UPF1: variants seen among roughly 807,000 people sequenced by gnomAD.
UPF1 encodes regulator of nonsense transcripts 1.
In UPF1, 9 loss-of-function variants were observed where a neutral mutation model predicts 129.2. The observed-to-expected ratio is 0.07, with a 90% CI of 0.04 to 0.12. The LOEUF is 0.12. Among genes scored for constraint, UPF1 ranks in the 10% least tolerant of loss-of-function variants. The pLI is 1.00. For missense variants in UPF1, 788 were observed against 1,525.3 expected (o/e 0.52, Z 8.05); for synonymous variants, 649 against 644.9 (o/e 1.01, Z -0.10).
rs756195102 is a variant in UPF1 at position 18,853,360 on chromosome 19, A to G, written c.1156+10A>G. 8 of 1,594,606 alleles carry G rather than the reference A, an allele frequency of 5.0e-6. No individual in the cohort carries two copies. In the South Asian group the frequency reaches 6.8e-5, roughly 14 times the overall value. On this transcript the variant is annotated intron_variant, in intron 8 of 23. Coordinates refer to ENST00000262803, the MANE Select transcript of UPF1 (RefSeq NM_002911.4). This position sits in a 1 kb window ranked among gnomAD's most constrained non-coding sequence, Gnocchi z 4.4. ...ATCAAGGTCCCTGATAGTATCCTTC[A>G]TGTGAAGAGGGTGTGGCCGGCTGGT...
intron 20 of UPF1, among the ~76,000 whole-genome samples, 173 bp downstream of exon 20, chr19:18,864,424 G>T (rs2055816717): frequency 6.6e-6 from 1 of 152,214 alleles, no homozygotes; most frequent in African/African-American, 2.4e-5. Context: ...CACTCCTGGG[G>T]TGTTTGTCTT....
intron 15 of UPF1, among the ~76,000 whole-genome samples, chr19:18,858,153 C>A (rs2145962490): frequency 6.6e-6 from 1 of 152,314 alleles, no homozygotes; most frequent in Non-Finnish European, 1.5e-5. Context: ...TATGCCGGCG[C>A]TTGAAGGAAG....
At position 18,865,727 on chromosome 19, in the gene UPF1, C is replaced by G; in HGVS notation, c.3186C>G (p.Ser1062Arg). ...TGACGCAGGGCTACATCTCCATGAG[C>G]CAGCCTTCCCAGATGAGCCAGCCCG... ...GALTQGYISM[S>R]QPSQMSQPGL... Residue 1062 changes from serine (S) to arginine (R), a missense_variant, in exon 22 of 24, where the codon AGC becomes AGG. By Grantham distance (110) the Ser-to-Arg change is moderately radical (BLOSUM62 -1). Around this residue, in one of 6 missense-constraint regions of UPF1, gnomAD observed 218 missense variants for 318.1 expected, o/e 0.69. Transcript: ENST00000262803. The surrounding 1 kb of genome is among the most constrained non-coding windows in gnomAD (Gnocchi z 6.1). 1 of 1,613,410 alleles carries G rather than the reference C, an allele frequency of 6.2e-7. No homozygotes were observed.
rs12879 is a variant in UPF1, at chr19:18,868,014, C to T, written c.*1497C>T. 3.1e-4 allele frequency: 49 copies of T among 158,434 alleles called. No homozygotes were observed. In the South Asian group the frequency reaches 4.2e-3, roughly 14 times the overall value. The allele number at this position is 158,434 out of a possible 1,614,324, so 9.8% of individuals were successfully genotyped here. A position where few individuals can be genotyped will look rare whatever the true frequency, so the allele number is the denominator to read the frequency against. On this transcript the variant is annotated 3_prime_UTR_variant, in exon 24 of 24. Transcript: ENST00000262803. ...TAGAGGCATGCACCGGGTAGGTTTC[C>T]GCGGTGACCCCGCGGCGGCCTGAGG...
Position 18,832,614 on chromosome 19 carries a change from G to C in UPF1, c.231+174G>C, listed in dbSNP as rs1228208817. On this transcript the variant is annotated intron_variant, in intron 1 of 23. Coordinates refer to ENST00000262803, the MANE Select transcript of UPF1 (RefSeq NM_002911.4). This position sits in a 1 kb window ranked among gnomAD's most constrained non-coding sequence, Gnocchi z 5.6. ...GCTCGGCCTGAGCTTACCTGCCCCA[G>C]GTCCTGCAATCTGCCCGGGCCTGGC... is the stretch of plus-strand genomic sequence containing the variant. Among the ~76,000 whole-genome samples the C allele has an allele frequency of 1.3e-5, 2 of 152,110 alleles. No homozygotes were observed. The highest frequency in any genetic ancestry group is 2.9e-5 in the Non-Finnish European group (2 of 67,986).
rs2055433715 is a variant in UPF1 at position 18,832,263 on chromosome 19, G to C, written c.54G>C (p.Thr18=). 16 of 1,553,248 alleles carry C rather than the reference G, an allele frequency of 1.0e-5. No individual in the cohort carries two copies. The highest frequency in any genetic ancestry group is 1.4e-5 in the Non-Finnish European group (16 of 1,149,816). Residue 18 remains threonine, a synonymous_variant, in exon 1 of 24, where the codon ACG becomes ACC. Transcript: ENST00000262803. The surrounding 1 kb of genome is among the most constrained non-coding windows in gnomAD (Gnocchi z 5.6). The part of the protein sequence containing the change: ...PSSQTLTFLD[T]EEAELLGADT... ...CGCAGACTCTCACTTTCCTGGACAC[G>C]GAGGAGGCCGAGCTGCTTGGCGCCG...
rs2055647855 is a variant in UPF1 at position 18,850,583 on chromosome 19, C to T, written c.630-105C>T. The T allele has an allele frequency of 1.5e-6, 2 of 1,291,066 alleles. No homozygotes were observed. Among genetic ancestry groups the T allele is most frequent in the Non-Finnish European group, 1.0e-6 (1 of 971,110 alleles). 80.0% of individuals were successfully genotyped at this position (1,291,066 alleles called of 1,614,324 possible). A position where few individuals can be genotyped will look rare whatever the true frequency, so the allele number is the denominator to read the frequency against. On this transcript the variant is annotated intron_variant, in intron 4 of 23. Transcript: ENST00000262803. The surrounding 1 kb of genome is among the most constrained non-coding windows in gnomAD (Gnocchi z 7.1). The stretch of plus-strand genomic sequence containing the variant: ...GGTAATGTGATCACATAATAAAATG[C>T]AGGGCATGCCCCTTTGGGTGAAAGG...
intron 19 of UPF1, 118 bp downstream of exon 19, chr19:18,863,730 G>A (rs2055808004): frequency 2.2e-6 from 3 of 1,377,870 alleles, no homozygotes; most frequent in African/African-American, 1.4e-5. Context: ...TCCTAGGGGA[G>A]GGTGGGCTCT....
At chr19:18,837,666 A>G (rs1161293656) in intron 1 of UPF1, among the ~76,000 whole-genome samples, 1 of 152,194 alleles carries the variant, frequency 6.6e-6, no homozygotes, top group Admixed American at 6.5e-5. Flanking sequence ...AGCAACACGC[A>G]TGTTTTTGTG....
Position 18,847,763 on chromosome 19 carries a change from C to A in UPF1, c.391C>A (p.Pro131Thr). 1.9e-6 allele frequency: 3 copies of A among 1,614,170 alleles called. No individual in the cohort carries two copies. The highest frequency in any genetic ancestry group is 2.5e-6 in the Non-Finnish European group (3 of 1,180,026). The part of the protein sequence containing the change: ...HACSYCGIHD[P>T]ACVVYCNTSK... ...TTTTAGTTACTGTGGAATACACGATCCTGCCTGCGTGGTTTACTGTAATAC... is the reference window on the plus strand; with the variant it reads ...TTTTAGTTACTGTGGAATACACGATACTGCCTGCGTGGTTTACTGTAATAC... Residue 131 changes from proline to threonine, a missense_variant, in exon 3 of 24, where the codon CCT (proline) becomes ACT (threonine). Pro to Thr is a conservative substitution (Grantham distance 38, BLOSUM62 -1). This residue lies in a region of UPF1 where 227 missense variants were observed against 517.9 expected (regional missense o/e 0.44). Coordinates refer to ENST00000262803, the MANE Select transcript of UPF1 (RefSeq NM_002911.4).
intron 1 of UPF1, among the ~76,000 whole-genome samples, chr19:18,833,963 G>A (rs980507181): frequency 3.9e-5 from 6 of 152,182 alleles, no homozygotes; most frequent in Non-Finnish European, 8.8e-5. Context: ...GAGGAGAACA[G>A]GTGTGCACGT....
chr19:18,832,005 G>C lies in UPF1; in HGVS notation c.-205G>C, dbSNP rs1433917655. 2.9e-6 allele frequency: 1 copy of C among 344,188 alleles called. No homozygotes were observed. The highest frequency in any genetic ancestry group is 2.2e-5 in the African/African-American group (1 of 45,908). 21.3% of individuals were successfully genotyped at this position (344,188 alleles called of 1,614,324 possible). A position where few individuals can be genotyped will look rare whatever the true frequency, so the allele number is the denominator to read the frequency against. On this transcript the variant is annotated 5_prime_UTR_variant, in exon 1 of 24. Transcript: ENST00000262803. The surrounding 1 kb of genome is among the most constrained non-coding windows in gnomAD (Gnocchi z 5.6). ...GCGGCTGGCGGCTTCGAGGGGAGCT[G>C]AGGCGCGGAGGGGCTCGGCGGCAGC...
chr19:18,860,757 C>T, intron 16 of UPF1, 69 bp from the exon 17 acceptor site: 2 of 1,588,632 alleles, frequency 1.3e-6, no homozygotes, highest in South Asian at 1.1e-5. Context: ...CTGCACCCCT[C>T]ACGGCCTCCA....
At chr19:18,864,826 C>T (rs1424538775) in intron 20 of UPF1, among the ~76,000 whole-genome samples, 2 of 150,456 alleles carry the variant, frequency 1.3e-5, no homozygotes, top group African/African-American at 4.9e-5. Flanking sequence ...TGCAACCTCC[C>T]CCTCTGGGTT....
intron 14 of UPF1, 55 bp downstream of exon 14, chr19:18,857,075 GT>G: frequency 6.3e-7 from 1 of 1,576,436 alleles, no homozygotes; most frequent in Non-Finnish European, 8.6e-7. Flanking sequence ...GATTCTTGGT[GT>G]TTGTCTTTTA....
Position 18,850,907 on chromosome 19 carries a change from G to A in UPF1, c.810+39G>A. ...GCGGGCCGACCCGTGCCTTCGTGTG[G>A]TTTCTGGTTGCGGGGAGGGGAGTGT... On this transcript the variant is annotated intron_variant, in intron 5 of 23. Transcript: ENST00000262803. This position sits in a 1 kb window ranked among gnomAD's most constrained non-coding sequence, Gnocchi z 7.1. 2 of 1,492,244 alleles carry A rather than the reference G, an allele frequency of 1.3e-6. No individual in the cohort carries two copies. The highest frequency in any genetic ancestry group is 9.0e-7 in the Non-Finnish European group (1 of 1,115,856). The allele number at this position is 1,492,244 out of a possible 1,614,324, so 92.4% of individuals were successfully genotyped here.
Position 18,867,487 on chromosome 19 carries a change from T to C in UPF1, c.*970T>C, listed in dbSNP as rs1269641793. 2 of 152,442 alleles carry C rather than the reference T, an allele frequency of 1.3e-5. No individual in the cohort carries two copies. Among genetic ancestry groups the C allele is most frequent in the Non-Finnish European group, 2.9e-5 (2 of 68,228 alleles). The allele number at this position is 152,442 out of a possible 1,614,324, so 9.4% of individuals were successfully genotyped here. ...GTGGCTGTTCCCGGATTGACGGCTT[T>C]TTCCCGGGGGCCTTTGGAAGATTTG... is the stretch of plus-strand genomic sequence containing the variant. On this transcript the variant is annotated 3_prime_UTR_variant, in exon 24 of 24. Coordinates refer to ENST00000262803, the MANE Select transcript of UPF1 (RefSeq NM_002911.4).
intron 3 of UPF1, 153 bp downstream of exon 3, chr19:18,847,986 G>C (rs2055618489): frequency 5.8e-6 from 4 of 690,736 alleles, no homozygotes; most frequent in Non-Finnish European, 9.9e-6. Flanking sequence ...TGAAACAGAT[G>C]GTGGTGTGTG....
chr19:18,856,479 C>T (rs73923169), intron 13 of UPF1, among the ~76,000 whole-genome samples, 179 bp downstream of exon 13: 271 of 152,296 alleles, frequency 1.8e-3, no homozygotes, highest in African/African-American at 5.0e-3. Context: ...CTGCCTGGAA[C>T]ACGGTCTTCT....
Sources: allele counts gnomAD v4.1 joint callset (sites outside exome capture counted in the v4.1 genomes callset), GRCh38; gene constraint gnomAD v4.1.1; regional missense constraint gnomAD v4.1.1; non-coding constraint Gnocchi (gnomAD v3.1); transcripts MANE v1.5; gene names NCBI Gene and HGNC (gene_info 2026-07-23, HGNC 2026-07-21).